Variants in DOK6 observed in about 807,000 individuals in gnomAD.
The protein encoded by DOK6 is docking protein 6, also known as downstream of tyrosine kinase 6.
A neutral mutation model predicts 44.0 loss-of-function variants in DOK6; 22 were observed. That is an observed-to-expected ratio of 0.50 (90% CI 0.36 to 0.71). The LOEUF is 0.71. Among genes scored for constraint, DOK6 ranks in the 30% least tolerant of loss-of-function variants. The probability of loss-of-function intolerance (pLI) is 0.00; values close to 1 mark genes in which losing one functional copy is unlikely to be tolerated. For synonymous variants in DOK6, 166 were observed against 145.5 expected (o/e 1.14, Z -1.01); for missense variants, 340 against 416.4 (o/e 0.82, Z 1.60).
At chr18:69,614,928 A>AGG (rs1324387822) in intron 3 of DOK6, among the ~76,000 whole-genome samples, 5 of 152,060 alleles carry the variant, frequency 3.3e-5, no homozygotes, top group Non-Finnish European at 7.4e-5. Context: ...TAAAGATTGG[A>AGG]GGGGCTCACT....
chr18:69,491,296 G>T (rs921461116), intron 1 of DOK6, among the ~76,000 whole-genome samples: 6 of 152,226 alleles, frequency 3.9e-5, no homozygotes, highest in African/African-American at 1.4e-4. Flanking sequence ...CTTATCTAGA[G>T]GAAATGTGTA....
intron 7 of DOK6, among the ~76,000 whole-genome samples, chr18:69,801,081 T>G (rs1980890282): frequency 7.5e-6 from 1 of 132,942 alleles, no homozygotes; most frequent in African/African-American, 2.9e-5. Flanking sequence ...TTTCTTTACT[T>G]TGATTTTGTT....
chr18:69,609,969 A>G (rs991839100), intron 3 of DOK6, among the ~76,000 whole-genome samples: 2 of 152,226 alleles, frequency 1.3e-5, no homozygotes, highest in Non-Finnish European at 2.9e-5. Flanking sequence ...TATCTAAAAT[A>G]GTCAAATTTG....
At chr18:69,593,608 C>T (rs1024096712) in intron 2 of DOK6, among the ~76,000 whole-genome samples, 2 of 152,102 alleles carry the variant, frequency 1.3e-5, no homozygotes, top group African/African-American at 4.8e-5. Flanking sequence ...CTGTGTTTGA[C>T]CTACATCATC....
At chr18:69,466,072 A>G (rs1460961214) in intron 1 of DOK6, among the ~76,000 whole-genome samples, 1 of 152,216 alleles carries the variant, frequency 6.6e-6, no homozygotes, top group Non-Finnish European at 1.5e-5. Context: ...ATACATTATT[A>G]TTAACTGTAG....
chr18:69,693,758 C>T (rs924626300), intron 4 of DOK6, among the ~76,000 whole-genome samples: 1 of 152,012 alleles, frequency 6.6e-6, no homozygotes, highest in African/African-American at 2.4e-5. Context: ...TTTGTTCCTG[C>T]ATAAAATAGA....
intron 7 of DOK6, among the ~76,000 whole-genome samples, chr18:69,765,944 G>C (rs539142825): frequency 6.6e-6 from 1 of 152,024 alleles, no homozygotes; most frequent in African/African-American, 2.4e-5. Context: ...GAACAACATG[G>C]GGGTTGAGGT....
chr18:69,430,688 C>G (rs530894992), intron 1 of DOK6, among the ~76,000 whole-genome samples: 2 of 152,046 alleles, frequency 1.3e-5, no homozygotes, highest in Admixed American at 1.3e-4. Flanking sequence ...GATTACTGGC[C>G]GGGCACGGTG....
At chr18:69,672,408 G>A (rs1985819098) in intron 3 of DOK6, among the ~76,000 whole-genome samples, 1 of 152,210 alleles carries the variant, frequency 6.6e-6, no homozygotes, top group Non-Finnish European at 1.5e-5. Flanking sequence ...GCCCAGGCTG[G>A]AGTGCAATGG....
intron 1 of DOK6, among the ~76,000 whole-genome samples, chr18:69,443,054 T>G (rs1300494761): frequency 3.9e-5 from 6 of 152,176 alleles, no homozygotes; most frequent in Admixed American, 3.9e-4. Flanking sequence ...TTTCATTTGG[T>G]ATACCAAAGA....
chr18:69,704,670 G>A (rs1015077650), intron 5 of DOK6, among the ~76,000 whole-genome samples: 4 of 151,838 alleles, frequency 2.6e-5, no homozygotes, highest in Admixed American at 6.6e-5. Context: ...TACTAGAGAC[G>A]GGGTTTCACC....
intron 7 of DOK6, among the ~76,000 whole-genome samples, chr18:69,804,717 A>T (rs1264951226): frequency 1.3e-5 from 2 of 152,150 alleles, no homozygotes; most frequent in East Asian, 3.9e-4. Context: ...GCCATAGAGG[A>T]TGAGATTCAG....
Position 69,599,463 on chromosome 18 carries a change from A to T in DOK6, c.254A>T (p.His85Leu), listed in dbSNP as rs1884171424. The T allele has an allele frequency of 6.2e-7, 1 of 1,614,012 alleles. No individual in the cohort carries two copies. Among genetic ancestry groups the T allele is most frequent in the Non-Finnish European group, 8.5e-7 (1 of 1,179,978 alleles). ...AAGCATGCGGTGGCAATCATCTTTC[A>T]CGATGAAACATCGAAGACATTTGCC... ...TKKHAVAIIF[H>L]DETSKTFACE... Residue 85 changes from histidine to leucine, a missense_variant, in exon 3 of 8, where the codon CAC becomes CTC. Physicochemically the swap from His to Leu is moderately conservative, Grantham distance 99. Transcript: ENST00000382713.
chr18:69,794,226 T>C (rs886250740), intron 7 of DOK6, among the ~76,000 whole-genome samples: 8 of 152,106 alleles, frequency 5.3e-5, no homozygotes, highest in African/African-American at 1.9e-4. Flanking sequence ...CCCAGTACTG[T>C]TCAGTTATAC....
At chr18:69,474,368 G>A (rs1468183835) in intron 1 of DOK6, among the ~76,000 whole-genome samples, 1 of 152,102 alleles carries the variant, frequency 6.6e-6, no homozygotes, top group Admixed American at 6.6e-5. Flanking sequence ...TATTGGAGAA[G>A]CAGAAAAGCT....
intron 1 of DOK6, among the ~76,000 whole-genome samples, chr18:69,562,792 T>G (rs567456380): frequency 7.2e-5 from 11 of 152,098 alleles, no homozygotes; most frequent in African/African-American, 2.4e-4. Flanking sequence ...AAGCCAAAAT[T>G]GACAAATGGG....
intron 3 of DOK6, among the ~76,000 whole-genome samples, chr18:69,665,739 C>G (rs1259187129): frequency 6.6e-6 from 1 of 151,874 alleles, no homozygotes; most frequent in Non-Finnish European, 1.5e-5. Flanking sequence ...TAAAACTTTG[C>G]AGTTTTGTGA....
chr18:69,803,849 C>T (rs1980975637), intron 7 of DOK6, among the ~76,000 whole-genome samples: 1 of 152,010 alleles, frequency 6.6e-6, no homozygotes, highest in Non-Finnish European at 1.5e-5. Context: ...CAGAGCAAGG[C>T]TCCGTCTCAA....
At chr18:69,810,041 A>G (rs1981176196) in intron 7 of DOK6, among the ~76,000 whole-genome samples, 1 of 152,078 alleles carries the variant, frequency 6.6e-6, no homozygotes, top group African/African-American at 2.4e-5. Flanking sequence ...GTTGAACAAA[A>G]GGAACAAAGC....
Sources: gnomAD v4.1 joint callset for allele counts (sites outside exome capture counted in the v4.1 genomes callset) on GRCh38, gnomAD v4.1.1 for gene constraint, MANE v1.5 for transcripts, NCBI Gene and HGNC (gene_info 2026-07-23, HGNC 2026-07-21) for gene names.